The following LRRIQ1 variants were observed in gnomAD, a reference collection of about 807,000 sequenced individuals.
LRRIQ1 encodes the protein leucine-rich repeat- and IQ domain-containing protein 1.
Under a neutral mutation model 211.9 loss-of-function variants are expected in LRRIQ1, and 210 were observed. The ratio of observed to expected loss-of-function variants is 0.99; its 90% CI spans 0.89 to 1.11. LRRIQ1 has a LOEUF of 1.11. LRRIQ1 is among the 50% of genes most tolerant of loss of function. The pLI is 0.00. For synonymous variants in LRRIQ1, 699 were observed against 650.1 expected (o/e 1.08, Z -1.14); for missense variants, 2,136 against 1,939.5 (o/e 1.10, Z -1.90).
At chr12:85,039,200 A>T (rs1878560457) in intron 2 of LRRIQ1, among the ~76,000 whole-genome samples, 1 of 151,286 alleles carries the variant, frequency 6.6e-6, no homozygotes, top group East Asian at 1.9e-4. Flanking sequence ...ATATTTTATT[A>T]TACCTTTTTA....
chr12:85,238,625 A>C (rs970152265), intron 26 of LRRIQ1, among the ~76,000 whole-genome samples: 2 of 152,124 alleles, frequency 1.3e-5, no homozygotes, highest in African/African-American at 4.8e-5. Flanking sequence ...GTAATTTACC[A>C]CATTAACATA....
At chr12:85,179,125 T>C (rs1417042691) in intron 24 of LRRIQ1, among the ~76,000 whole-genome samples, 1 of 151,974 alleles carries the variant, frequency 6.6e-6, no homozygotes, top group Non-Finnish European at 1.5e-5. Context: ...CCATAAAGTA[T>C]ATTATATTCA....
chr12:85,267,605 A>G (rs1180923763), downstream of LRRIQ1, among the ~76,000 whole-genome samples: 1 of 152,030 alleles, frequency 6.6e-6, no homozygotes, highest in Non-Finnish European at 1.5e-5. Context: ...GGAAAATTAC[A>G]AGGAGACTTA....
chr12:85,243,313 TTTA>T (rs10682844), intron 26 of LRRIQ1, among the ~76,000 whole-genome samples: 22,978 of 140,586 alleles, frequency 0.16, 2,894 homozygotes, highest in African/African-American at 0.35. Flanking sequence ...ATGTATAACT[TTTA>T]TTATTATTAT....
rs553764902 is a variant in LRRIQ1 at position 85,081,436 on chromosome 12, C to T, written c.2887+8338C>T. Among the ~76,000 whole-genome samples the T allele has an allele frequency of 9.2e-5, 13 of 141,268 alleles. No individual in the cohort carries two copies. In the East Asian group the frequency reaches 2.6e-3, roughly 28 times the overall value. 92.7% of individuals were successfully genotyped at this position (141,268 alleles called of 152,430 possible). On this transcript the variant is annotated intron_variant, in intron 11 of 26. Coordinates refer to ENST00000393217, the MANE Select transcript of LRRIQ1 (RefSeq NM_001079910.2). Reference sequence around the variant, plus strand: ...TCTCCTTCCTCTCCTCTGTTGTCTTCTTTTGGATTGGCTTTTTTTTTTGTC... The same window carrying T: ...TCTCCTTCCTCTCCTCTGTTGTCTTTTTTTGGATTGGCTTTTTTTTTTGTC...
intron 24 of LRRIQ1, among the ~76,000 whole-genome samples, chr12:85,220,365 C>G (rs1324317625): frequency 6.6e-6 from 1 of 151,948 alleles, no homozygotes; most frequent in Admixed American, 6.6e-5. Context: ...CTTAATCTCC[C>G]TCACTTTACG....
At chr12:85,270,719 C>T in the LRRIQ1 span, among the ~76,000 whole-genome samples, 1 of 152,066 alleles carries the variant, frequency 6.6e-6, no homozygotes, top group African/African-American at 2.4e-5. Context: ...TATGACCAGG[C>T]ACTGTTCTAA....
At chr12:85,250,148 T>A (rs1015032695) in intron 1 of LRRIQ1, among the ~76,000 whole-genome samples, 2 of 151,768 alleles carry the variant, frequency 1.3e-5, no homozygotes, top group Non-Finnish European at 1.5e-5. Context: ...ATATTGTCAT[T>A]CTTTAGATGC....
At chr12:85,142,612 C>T (rs866597449) in intron 19 of LRRIQ1, among the ~76,000 whole-genome samples, 3 of 151,358 alleles carry the variant, frequency 2.0e-5, no homozygotes, top group African/African-American at 4.8e-5. Context: ...CTCCTGCAAC[C>T]GCCACCACCA....
Position 85,051,414 on chromosome 12 carries a change from C to A in LRRIQ1, c.679-763C>A, listed in dbSNP as rs138828542. Among the ~76,000 whole-genome samples the A allele has an allele frequency of 2.0e-5, 3 of 152,124 alleles. No individual in the cohort carries two copies. In the East Asian group the frequency reaches 5.8e-4, roughly 29 times the overall value. The stretch of plus-strand genomic sequence containing the variant: ...AATTTGCTCACTGATCTCATTGTCT[C>A]CTTGGTTCTCTTTTAATTTTATCTA... On this transcript the variant is annotated intron_variant, in intron 6 of 26. Transcript: ENST00000393217.
intron 24 of LRRIQ1, among the ~76,000 whole-genome samples, chr12:85,203,813 G>T (rs552174326): frequency 2.0e-5 from 3 of 152,230 alleles, no homozygotes; most frequent in Non-Finnish European, 2.9e-5. Flanking sequence ...CAGCATAAAA[G>T]TATGAGGAAT....
intron 11 of LRRIQ1, among the ~76,000 whole-genome samples, chr12:85,087,343 T>C (rs898767624): frequency 1.3e-5 from 2 of 152,190 alleles, no homozygotes; most frequent in African/African-American, 4.8e-5. Flanking sequence ...CAGTCTATCA[T>C]TGATAGACAT....
Position 85,046,442 on chromosome 12 carries a change from G to A in LRRIQ1, c.454+305G>A, listed in dbSNP as rs1879597644. Among the ~76,000 whole-genome samples, 3 of 151,922 alleles carry A rather than the reference G, an allele frequency of 2.0e-5. No individual in the cohort carries two copies. The South Asian group carries it at 6.2e-4, about 32-fold the overall frequency. On this transcript the variant is annotated intron_variant, in intron 5 of 26. Transcript: ENST00000393217. ...GACACACATACACACACACACTTGT[G>A]GGTTTATTTTTATATTAAGTTTTGT...
intron 24 of LRRIQ1, among the ~76,000 whole-genome samples, chr12:85,163,921 C>T (rs961006264): frequency 1.3e-5 from 2 of 152,162 alleles, no homozygotes; most frequent in Non-Finnish European, 2.9e-5. Flanking sequence ...CCTTTGACCA[C>T]GCCTGTCCCC....
Position 85,085,681 on chromosome 12 carries a change from G to A in LRRIQ1, c.2887+12583G>A, listed in dbSNP as rs533183326. 9.8e-5 allele frequency among the ~76,000 whole-genome samples: 15 copies of A among 152,316 alleles called. 1 individual carries two copies. Among genetic ancestry groups the A allele is most frequent in the African/African-American group, 3.6e-4 (15 of 41,570 alleles). On this transcript the variant is annotated intron_variant, in intron 11 of 26. Transcript: ENST00000393217. The stretch of plus-strand genomic sequence containing the variant: ...CTTAGCTCCCACTTATAGTTGAGAA[G>A]ATGTAGTATTTGGTTTTCTGTTTCT...
At chr12:85,217,586 A>ATATATATG (rs1183850388) in intron 24 of LRRIQ1, among the ~76,000 whole-genome samples, 1 of 136,090 alleles carries the variant, frequency 7.3e-6, no homozygotes, top group Admixed American at 7.6e-5. Context: ...ACATATGTAT[A>ATATATATG]TATATATGTA....
At chr12:85,162,404 C>A (rs1890932706) in intron 24 of LRRIQ1, among the ~76,000 whole-genome samples, 1 of 151,976 alleles carries the variant, frequency 6.6e-6, no homozygotes. Context: ...TCAGTAATAA[C>A]TCTACAGATA....
At chr12:85,259,143 T>C (rs1387611559) in intron 1 of LRRIQ1, among the ~76,000 whole-genome samples, 2 of 152,062 alleles carry the variant, frequency 1.3e-5, no homozygotes, top group African/African-American at 2.4e-5. Context: ...TTGATTTATA[T>C]GCTCACCTGC....
intron 8 of LRRIQ1, among the ~76,000 whole-genome samples, chr12:85,057,677 C>T (rs1478413037): frequency 6.6e-6 from 1 of 151,950 alleles, no homozygotes; most frequent in Non-Finnish European, 1.5e-5. Context: ...AATTATTTAG[C>T]GTGTGCTATT....
Sources: allele counts gnomAD v4.1 joint callset (sites outside exome capture counted in the v4.1 genomes callset), GRCh38; gene constraint gnomAD v4.1.1; transcripts MANE v1.5; gene names NCBI Gene and HGNC (gene_info 2026-07-23, HGNC 2026-07-21).